PALLD: variants seen among roughly 807,000 people sequenced by gnomAD.
The protein encoded by PALLD is palladin.
In PALLD, 61 loss-of-function variants were observed where a neutral mutation model predicts 123.5. That is an observed-to-expected ratio of 0.49 (90% CI 0.40 to 0.61). The LOEUF (loss-of-function observed/expected upper bound fraction) is 0.61. PALLD is among the 20% of genes least tolerant of loss of function. The pLI is 0.00. For synonymous variants in PALLD, 465 were observed against 496.4 expected (o/e 0.94, Z 0.84); for missense variants, 1,273 against 1,377.0 (o/e 0.92, Z 1.20).
intron 15 of PALLD, among the ~76,000 whole-genome samples, chr4:168,913,178 C>G (rs1160291677): frequency 2.0e-5 from 3 of 151,116 alleles, no homozygotes; most frequent in South Asian, 2.1e-4. Flanking sequence ...GCTCTGTCAC[C>G]CAGGCTGGAG....
intron 10 of PALLD, among the ~76,000 whole-genome samples, chr4:168,721,407 G>A (rs1426708915): frequency 6.6e-6 from 1 of 151,874 alleles, no homozygotes; most frequent in Non-Finnish European, 1.5e-5. Context: ...AGTGTTAAGT[G>A]AAAATAGACA....
At chr4:168,871,603 A>G (rs1751084517) in intron 10 of PALLD, among the ~76,000 whole-genome samples, 1 of 152,266 alleles carries the variant, frequency 6.6e-6, no homozygotes, top group Non-Finnish European at 1.5e-5. Flanking sequence ...CTAAATTAGC[A>G]TAGTTTTTAT....
chr4:168,713,890 A>ACAAAACC (rs1372947289), intron 10 of PALLD, among the ~76,000 whole-genome samples: 9 of 148,208 alleles, frequency 6.1e-5, no homozygotes, highest in African/African-American at 2.2e-4. Context: ...ACACCTAACC[A>ACAAAACC]CAAAACCCAA....
At chr4:168,510,107 C>A (rs1252311524) in intron 1 of PALLD, among the ~76,000 whole-genome samples, 2 of 152,156 alleles carry the variant, frequency 1.3e-5, no homozygotes, top group Non-Finnish European at 2.9e-5. Flanking sequence ...TTATTCACTC[C>A]TAGACTCAGT....
At chr4:168,666,219 A>G (rs577255795) in intron 2 of PALLD, among the ~76,000 whole-genome samples, 2 of 152,306 alleles carry the variant, frequency 1.3e-5, no homozygotes, top group African/African-American at 4.8e-5. Context: ...AAAGAAACGA[A>G]TCCTTCTCTC....
At position 168,927,486 on chromosome 4, in the gene PALLD, T is replaced by C. The variant is rs1429275441; in HGVS notation, c.*1306T>C. On this transcript the variant is annotated 3_prime_UTR_variant, in exon 22 of 22. Transcript: ENST00000505667. ...TTAGGTATGTAGAGCAAGTTGAAAA[T>C]GGATTGAGACTGCATGGTGGCATAA... 4.3e-6 allele frequency: 1 copy of C among 232,474 alleles called. No individual in the cohort carries two copies. Among genetic ancestry groups the C allele is most frequent in the African/African-American group, 2.2e-5 (1 of 45,326 alleles). The allele number at this position is 232,474 out of a possible 1,614,324, so 14.4% of individuals were successfully genotyped here. A position where few individuals can be genotyped will look rare whatever the true frequency, so the allele number is the denominator to read the frequency against.
intron 2 of PALLD, among the ~76,000 whole-genome samples, chr4:168,548,912 C>G (rs1229327729): frequency 6.6e-6 from 1 of 151,816 alleles, no homozygotes; most frequent in Non-Finnish European, 1.5e-5. Flanking sequence ...TTTTGGGAGG[C>G]CAAGGCAGGA....
At chr4:168,576,490 G>A (rs1363245164) in intron 2 of PALLD, among the ~76,000 whole-genome samples, 2 of 151,934 alleles carry the variant, frequency 1.3e-5, no homozygotes, top group African/African-American at 4.8e-5. Flanking sequence ...GCGGTGTTGT[G>A]GTTTTTTGTC....
intron 10 of PALLD, among the ~76,000 whole-genome samples, chr4:168,809,260 T>C (rs1740694763): frequency 6.6e-6 from 1 of 152,152 alleles, no homozygotes; most frequent in African/African-American, 2.4e-5. Flanking sequence ...AAAACAGCTT[T>C]AAGTGCTCTG....
At chr4:168,828,349 G>A (rs1268360644) in intron 10 of PALLD, among the ~76,000 whole-genome samples, 3 of 152,198 alleles carry the variant, frequency 2.0e-5, no homozygotes, top group South Asian at 2.1e-4. Flanking sequence ...TTAGAAAAGC[G>A]TGATTGAACA....
rs1443607803 is a variant in PALLD, at chr4:168,550,004, G to C, written c.908+37592G>C. 2.0e-5 allele frequency among the ~76,000 whole-genome samples: 3 copies of C among 152,236 alleles called. No homozygotes were observed. The East Asian group carries it at 5.8e-4, about 29-fold the overall frequency. ...CTCATTTATTCCTCCCAACATCTTT[G>C]AGTAATCATTTTACAAATAGAAAAT... On this transcript the variant is annotated intron_variant, in intron 2 of 21. Coordinates refer to ENST00000505667, the MANE Select transcript of PALLD (RefSeq NM_001166108.2).
rs900390773 is a variant in PALLD, at chr4:168,656,919, G to A, written c.909-11271G>A. On this transcript the variant is annotated intron_variant, in intron 2 of 21. Transcript: ENST00000505667. ...TCAACTCAGGGGCCAACACTAATTGGTTGGTAGTGGCTGCCCCTAGCATCA... is the reference window on the plus strand; with the variant it reads ...TCAACTCAGGGGCCAACACTAATTGATTGGTAGTGGCTGCCCCTAGCATCA... 5.9e-5 allele frequency among the ~76,000 whole-genome samples: 9 copies of A among 152,226 alleles called. 1 individual carries two copies. The highest frequency in any genetic ancestry group is 3.9e-4 in the Admixed American group (6 of 15,280).
chr4:168,794,177 G>A (rs1352037550), intron 10 of PALLD, among the ~76,000 whole-genome samples: 2 of 152,244 alleles, frequency 1.3e-5, no homozygotes, highest in African/African-American at 4.8e-5. Context: ...CCTGTGGATG[G>A]AGTTCCTGTG....
At chr4:168,818,014 A>G (rs1224956901) in intron 10 of PALLD, among the ~76,000 whole-genome samples, 1 of 152,208 alleles carries the variant, frequency 6.6e-6, no homozygotes, top group Non-Finnish European at 1.5e-5. Flanking sequence ...ACACACAAAG[A>G]TTGACCACGG....
chr4:168,836,616 CG>C (rs748991525), intron 10 of PALLD, among the ~76,000 whole-genome samples: 1 of 152,114 alleles, frequency 6.6e-6, no homozygotes, highest in Non-Finnish European at 1.5e-5. Flanking sequence ...CATTAGAGAA[CG>C]GGGATCAGGC....
intron 2 of PALLD, among the ~76,000 whole-genome samples, chr4:168,562,331 C>T (rs1222782062): frequency 1.3e-5 from 2 of 152,164 alleles, no homozygotes; most frequent in Non-Finnish European, 2.9e-5. Context: ...GAGGTAAGTA[C>T]AGCCTGAGAT....
chr4:168,875,212 C>T (rs562995769), intron 10 of PALLD, among the ~76,000 whole-genome samples: 34 of 151,512 alleles, frequency 2.2e-4, no homozygotes, highest in Admixed American at 1.2e-3. Context: ...GAAAAAAAAA[C>T]GGAGAAACTA....
In PALLD at chr4:168,503,028, G is replaced by A. The variant is rs1035361525; in HGVS notation, c.-83+5834G>A. Among the ~76,000 whole-genome samples the A allele has an allele frequency of 2.6e-5, 4 of 152,296 alleles. No individual in the cohort carries two copies. In the South Asian group the frequency reaches 8.3e-4, roughly 32 times the overall value. ...CTGCCTCGTGCCTTTGTTCACATGT[G>A]TGTCAAATCCTATCCAGGGCTCAAA... On this transcript the variant is annotated intron_variant, in intron 1 of 21. Transcript: ENST00000505667.
At chr4:168,541,221 C>T (rs1392556314) in intron 2 of PALLD, among the ~76,000 whole-genome samples, 1 of 152,200 alleles carries the variant, frequency 6.6e-6, no homozygotes, top group Admixed American at 6.5e-5. Context: ...TAACTGCACT[C>T]ATTCTTTATC....
Sources: allele counts gnomAD v4.1 joint callset (sites outside exome capture counted in the v4.1 genomes callset), GRCh38; gene constraint gnomAD v4.1.1; transcripts MANE v1.5; gene names NCBI Gene and HGNC (gene_info 2026-07-23, HGNC 2026-07-21).